The following MANEA variants were observed in gnomAD, a reference collection of about 807,000 sequenced individuals.
The protein encoded by MANEA is glycoprotein endo-alpha-1,2-mannosidase.
A neutral mutation model predicts 36.8 loss-of-function variants in MANEA; 25 were observed. That is an observed-to-expected ratio of 0.68 (90% CI 0.50 to 0.95). The LOEUF is 0.95. Among genes scored for constraint, MANEA ranks in the 40% least tolerant of loss-of-function variants. The pLI, the probability that MANEA is intolerant of heterozygous loss-of-function variation, is 0.00. For synonymous variants in MANEA, 198 were observed against 188.5 expected (o/e 1.05, Z -0.41); for missense variants, 565 against 558.8 (o/e 1.01, Z -0.11).
At chr6:95,604,605 A>C (rs766792690) in intron 3 of MANEA, among the ~76,000 whole-genome samples, 61 of 152,012 alleles carry the variant, frequency 4.0e-4, no homozygotes, top group Non-Finnish European at 1.6e-4. Context: ...GAAATACCTT[A>C]GGGAGTTGTG....
At chr6:95,590,835 A>G (rs1769374862) in intron 2 of MANEA, among the ~76,000 whole-genome samples, 1 of 152,132 alleles carries the variant, frequency 6.6e-6, no homozygotes, top group Non-Finnish European at 1.5e-5. Flanking sequence ...TCCCTCCCAT[A>G]GTTTGCTATT....
intron 2 of MANEA, among the ~76,000 whole-genome samples, chr6:95,594,409 A>G (rs763829486): frequency 6.6e-6 from 1 of 152,188 alleles, no homozygotes; most frequent in Non-Finnish European, 1.5e-5. Context: ...AAGAAATAGA[A>G]GAGTGGTAGA....
In MANEA at chr6:95,608,304, G is replaced by C. The variant is rs543393587; in HGVS notation, c.*1899G>C. 8 of 151,898 alleles carry C rather than the reference G, an allele frequency of 5.3e-5. No homozygotes were observed. In the South Asian group the frequency reaches 1.7e-3, roughly 32 times the overall value. The allele number at this position is 151,898 out of a possible 1,614,324, so 9.4% of individuals were successfully genotyped here. Reference sequence around the variant, plus strand: ...TTGTTAGAGAAGTATCTACCACAGAGGAGTTTTTGTCATTGTGTACGTTGT... The same window carrying C: ...TTGTTAGAGAAGTATCTACCACAGACGAGTTTTTGTCATTGTGTACGTTGT... On this transcript the variant is annotated 3_prime_UTR_variant, in exon 5 of 5. Transcript: ENST00000358812.
At chr6:95,600,568 A>G (rs1050582868) in intron 3 of MANEA, among the ~76,000 whole-genome samples, 3 of 152,150 alleles carry the variant, frequency 2.0e-5, no homozygotes, top group African/African-American at 7.2e-5. Flanking sequence ...TTTTCTTGCT[A>G]ATATAAGGAA....
rs960939489 is a variant in MANEA at position 95,608,714 on chromosome 6, C to T, written c.*2309C>T. 2.6e-5 allele frequency: 4 copies of T among 151,526 alleles called. No individual in the cohort carries two copies. The highest frequency in any genetic ancestry group is 5.9e-5 in the Non-Finnish European group (4 of 67,714). 9.4% of individuals were successfully genotyped at this position (151,526 alleles called of 1,614,324 possible). A position where few individuals can be genotyped will look rare whatever the true frequency, so the allele number is the denominator to read the frequency against. On this transcript the variant is annotated 3_prime_UTR_variant, in exon 5 of 5. Transcript: ENST00000358812. ...TCTGTGGGGGATTGGTTCCAGTTAC[C>T]CCTATAGATACCAAAATCTGCAGAT... is the stretch of plus-strand genomic sequence containing the variant.
intron 4 of MANEA, among the ~76,000 whole-genome samples, chr6:95,605,314 G>T (rs1170044054): frequency 6.6e-6 from 1 of 152,062 alleles, no homozygotes; most frequent in Non-Finnish European, 1.5e-5. Flanking sequence ...TGATCAAAAA[G>T]AATTTATTAA....
Position 95,606,086 on chromosome 6 carries a change from G to A in MANEA, c.1070G>A (p.Gly357Asp). ...KYNLIFIPSV[G>D]PGYIDTSIRP... The stretch of plus-strand genomic sequence containing the variant: ...AACTTAATATTTATCCCAAGTGTGG[G>A]CCCAGGATACATAGATACCAGCATC... Residue 357 changes from glycine (G) to aspartate (D), a missense_variant, in exon 5 of 5, where the codon GGC becomes GAC. By Grantham distance (94) the Gly-to-Asp change is moderately conservative. Coordinates refer to ENST00000358812, the MANE Select transcript of MANEA (RefSeq NM_024641.4). 3.7e-6 allele frequency: 6 copies of A among 1,613,810 alleles called. No homozygotes were observed. Among genetic ancestry groups the A allele is most frequent in the Non-Finnish European group, 5.1e-6 (6 of 1,179,884 alleles).
At chr6:95,595,030 G>C (rs1300206427) in intron 2 of MANEA, among the ~76,000 whole-genome samples, 1 of 152,014 alleles carries the variant, frequency 6.6e-6, no homozygotes. Context: ...TGTTATTTTA[G>C]ACTAGTCTGC....
At chr6:95,597,120 TTA>T (rs1769496680) in intron 3 of MANEA, among the ~76,000 whole-genome samples, 1 of 152,000 alleles carries the variant, frequency 6.6e-6, no homozygotes, top group African/African-American at 2.4e-5. Context: ...TAGTGAAGAT[TTA>T]TATGTCTAAA....
At chr6:95,593,364 C>A (rs1184306065) in intron 2 of MANEA, among the ~76,000 whole-genome samples, 2 of 152,044 alleles carry the variant, frequency 1.3e-5, no homozygotes, top group Non-Finnish European at 2.9e-5. Context: ...TGAAATATAA[C>A]AACATTGTAA....
chr6:95,593,332 A>C (rs150940931), intron 2 of MANEA, among the ~76,000 whole-genome samples: 1 of 152,238 alleles, frequency 6.6e-6, no homozygotes, highest in Non-Finnish European at 1.5e-5. Context: ...TCTGGAAGTC[A>C]TAATTGATGC....
chr6:95,580,473 C>T (rs1400345263), intron 1 of MANEA, among the ~76,000 whole-genome samples: 1 of 152,040 alleles, frequency 6.6e-6, no homozygotes, highest in Non-Finnish European at 1.5e-5. Context: ...CACCTGTAAT[C>T]CCAGCACTTT....
At chr6:95,583,790 C>G (rs1769229183) in intron 1 of MANEA, among the ~76,000 whole-genome samples, 1 of 152,060 alleles carries the variant, frequency 6.6e-6, no homozygotes, top group South Asian at 2.1e-4. Flanking sequence ...CTAGACATGT[C>G]TTTTATACTA....
Position 95,596,733 on chromosome 6 carries a change from T to C in MANEA, c.545-4T>C. 1 of 1,513,560 alleles carries C rather than the reference T, an allele frequency of 6.6e-7. No individual in the cohort carries two copies. The highest frequency in any genetic ancestry group is 9.2e-7 in the Non-Finnish European group (1 of 1,090,316). 93.8% of individuals were successfully genotyped at this position (1,513,560 alleles called of 1,614,324 possible). Reference sequence around the variant, plus strand: ...TTCCCTTTCTTTTTGGTCTTTTCTATTAGGTGTACTAGCCCTCTCTTGGTA... The same window carrying C: ...TTCCCTTTCTTTTTGGTCTTTTCTACTAGGTGTACTAGCCCTCTCTTGGTA... On this transcript the variant is annotated splice_region_variant and splice_polypyrimidine_tract_variant and intron_variant, in intron 2 of 4. Coordinates refer to ENST00000358812, the MANE Select transcript of MANEA (RefSeq NM_024641.4).
intron 1 of MANEA, among the ~76,000 whole-genome samples, chr6:95,579,714 T>C (rs1285726586): frequency 2.6e-5 from 4 of 152,206 alleles, no homozygotes; most frequent in Admixed American, 6.5e-5. Context: ...TGCTTCTGAA[T>C]CTCTTGGGGT....
At chr6:95,596,891 G>A in intron 3 of MANEA, 45 bp downstream of exon 3, 2 of 925,618 alleles carry the variant, frequency 2.2e-6, no homozygotes, top group Non-Finnish European at 1.7e-6. Flanking sequence ...AATTCTTTTG[G>A]ACAAGAGGAG....
intron 2 of MANEA, among the ~76,000 whole-genome samples, chr6:95,596,421 G>A (rs1769484421): frequency 6.6e-6 from 1 of 152,122 alleles, no homozygotes; most frequent in Non-Finnish European, 1.5e-5. Context: ...GAGAAACCGT[G>A]TGGAGGGTTG....
chr6:95,580,884 G>T (rs987270809), intron 1 of MANEA, among the ~76,000 whole-genome samples: 11 of 152,072 alleles, frequency 7.2e-5, no homozygotes, highest in Admixed American at 2.0e-4. Context: ...TCAATAGTTG[G>T]TCATATAGAG....
chr6:95,599,416 CA>C (rs11294845), intron 3 of MANEA, among the ~76,000 whole-genome samples: 83,294 of 134,084 alleles, frequency 0.62, 24,381 homozygotes, highest in East Asian at 0.86. Flanking sequence ...GAGTCTATCT[CA>C]AAAAAAAAAA....
Sources: gnomAD v4.1 joint callset for allele counts (sites outside exome capture counted in the v4.1 genomes callset) on GRCh38, gnomAD v4.1.1 for gene constraint, MANE v1.5 for transcripts, NCBI Gene and HGNC (gene_info 2026-07-23, HGNC 2026-07-21) for gene names.